Variants in PDSS2 observed in about 807,000 individuals in gnomAD.
PDSS2 encodes all trans-polyprenyl-diphosphate synthase PDSS2.
In PDSS2, 31 loss-of-function variants were observed where a neutral mutation model predicts 44.5. The observed-to-expected ratio is 0.70, with a 90% CI of 0.52 to 0.94. The LOEUF is 0.94. Ranked by LOEUF, PDSS2 falls within the 40% of genes least tolerant of loss-of-function variation. The probability of loss-of-function intolerance (pLI) is 0.00; values close to 1 mark genes in which losing one functional copy is unlikely to be tolerated. For missense variants in PDSS2, 452 were observed against 482.2 expected, an observed-to-expected ratio of 0.94 and a Z score of 0.59; for synonymous variants, 157 against 180.3, an observed-to-expected ratio of 0.87 and a Z score of 1.03.
At chr6:107,171,192 C>T (rs1771561943) in intron 7 of PDSS2, among the ~76,000 whole-genome samples, 1 of 152,106 alleles carries the variant, frequency 6.6e-6, no homozygotes. Flanking sequence ...AGACAGGTCT[C>T]ACTCTGTCAC....
chr6:107,161,556 A>C (rs1554246756), intron 7 of PDSS2, among the ~76,000 whole-genome samples: 2 of 152,146 alleles, frequency 1.3e-5, no homozygotes, highest in African/African-American at 4.8e-5. Context: ...TTCAAAGTAC[A>C]GAAAACTTGA....
chr6:107,240,380 G>C (rs1324595457), intron 4 of PDSS2, among the ~76,000 whole-genome samples: 1 of 150,396 alleles, frequency 6.6e-6, no homozygotes, highest in African/African-American at 2.4e-5. Context: ...CAGTCTGGAT[G>C]ATAGAGTGAG....
At chr6:107,214,621 T>G (rs539235804) in intron 4 of PDSS2, among the ~76,000 whole-genome samples, 1 of 152,202 alleles carries the variant, frequency 6.6e-6, no homozygotes, top group Non-Finnish European at 1.5e-5. Flanking sequence ...TTCCTGCTCC[T>G]GATCCTATAA....
chr6:107,283,043 G>T (rs1453955787), intron 2 of PDSS2, among the ~76,000 whole-genome samples: 2 of 151,806 alleles, frequency 1.3e-5, no homozygotes, highest in Non-Finnish European at 2.9e-5. Context: ...GTTTGGCTGG[G>T]TGTGGTGGCT....
intron 1 of PDSS2, among the ~76,000 whole-genome samples, chr6:107,383,657 T>C (rs1451451051): frequency 6.6e-6 from 1 of 151,932 alleles, no homozygotes. Flanking sequence ...GGCAAAGATA[T>C]ACAAATGGGC....
At chr6:107,316,538 G>A (rs916120968) in intron 2 of PDSS2, among the ~76,000 whole-genome samples, 42 of 152,172 alleles carry the variant, frequency 2.8e-4, no homozygotes, top group African/African-American at 9.4e-4. Context: ...TGAATGGATT[G>A]TTAGGTGGTT....
intron 3 of PDSS2, among the ~76,000 whole-genome samples, chr6:107,267,951 A>C (rs1479417909): frequency 6.6e-6 from 1 of 152,164 alleles, no homozygotes; most frequent in Non-Finnish European, 1.5e-5. Context: ...AGCTTTTAAA[A>C]AAATATGAAT....
At chr6:107,334,551 GTT>G (rs1777818357) in intron 1 of PDSS2, among the ~76,000 whole-genome samples, 1 of 141,700 alleles carries the variant, frequency 7.1e-6, no homozygotes, top group Non-Finnish European at 1.6e-5. Context: ...TGTTGTTGTT[GTT>G]GTTTTTGAGA....
chr6:107,365,784 G>T (rs1470045887), intron 1 of PDSS2, among the ~76,000 whole-genome samples: 1 of 151,946 alleles, frequency 6.6e-6, no homozygotes, highest in South Asian at 2.1e-4. Context: ...GACAATGAAG[G>T]ACATTTCATA....
chr6:107,284,806 T>C (rs748143288), intron 2 of PDSS2, among the ~76,000 whole-genome samples: 23 of 152,214 alleles, frequency 1.5e-4, no homozygotes, highest in African/African-American at 3.6e-4. Flanking sequence ...AAGTGCCTAA[T>C]AGTGATTATG....
intron 2 of PDSS2, among the ~76,000 whole-genome samples, chr6:107,320,886 A>G (rs1429350428): frequency 2.0e-5 from 3 of 152,130 alleles, no homozygotes; most frequent in African/African-American, 7.2e-5. Context: ...TATGTAAGGC[A>G]CCCTACTTCA....
chr6:107,305,175 T>C (rs1776817232), intron 2 of PDSS2, among the ~76,000 whole-genome samples: 1 of 151,390 alleles, frequency 6.6e-6, no homozygotes, highest in South Asian at 2.1e-4. Flanking sequence ...CAGCAAATAC[T>C]TTTTTTTTCA....
intron 6 of PDSS2, among the ~76,000 whole-genome samples, chr6:107,204,203 A>G (rs11751533): frequency 0.23 from 35,656 of 151,958 alleles, 5,126 homozygotes; most frequent in East Asian, 0.49. Flanking sequence ...GGCTTCCCAA[A>G]GTGCTGGGAT....
At chr6:107,201,900 T>G (rs906604125) in intron 6 of PDSS2, among the ~76,000 whole-genome samples, 2 of 152,252 alleles carry the variant, frequency 1.3e-5, no homozygotes, top group African/African-American at 4.8e-5. Flanking sequence ...CAACAGTTGC[T>G]AACACCTTAC....
intron 6 of PDSS2, among the ~76,000 whole-genome samples, chr6:107,200,957 G>A (rs761950501): frequency 5.9e-5 from 9 of 152,106 alleles, no homozygotes; most frequent in Middle Eastern, 3.4e-3. Flanking sequence ...GAGTCACTGC[G>A]GCCAGCCAGA....
chr6:107,196,964 GTACA>G (rs1772584029), intron 6 of PDSS2, among the ~76,000 whole-genome samples: 1 of 152,180 alleles, frequency 6.6e-6, no homozygotes, highest in Non-Finnish European at 1.5e-5. Context: ...CTATATGGTG[GTACA>G]CTGGAGAGGA....
intron 1 of PDSS2, among the ~76,000 whole-genome samples, chr6:107,345,302 A>C (rs1044187891): frequency 2.7e-5 from 4 of 149,792 alleles, no homozygotes; most frequent in African/African-American, 9.9e-5. Context: ...TCACTTTAAT[A>C]GTCTATAATT....
At chr6:107,276,795 G>C (rs1432376507) in intron 2 of PDSS2, among the ~76,000 whole-genome samples, 1 of 151,976 alleles carries the variant, frequency 6.6e-6, no homozygotes, top group African/African-American at 2.4e-5. Flanking sequence ...TTTTGCATTG[G>C]GGCTTACACT....
intron 2 of PDSS2, among the ~76,000 whole-genome samples, chr6:107,312,840 T>C (rs1196294513): frequency 1.3e-5 from 2 of 152,244 alleles, no homozygotes; most frequent in Non-Finnish European, 2.9e-5. Flanking sequence ...AAGTGCTTCA[T>C]ATATGTTTTT....
Sources: gnomAD v4.1 joint callset for allele counts (sites outside exome capture counted in the v4.1 genomes callset) on GRCh38, gnomAD v4.1.1 for gene constraint, MANE v1.5 for transcripts, NCBI Gene and HGNC (gene_info 2026-07-23, HGNC 2026-07-21) for gene names.